The following ROBO2 variants were observed in gnomAD, a reference collection of about 807,000 sequenced individuals.
ROBO2 encodes roundabout guidance receptor 2, also known as roundabout homolog 2.
ROBO2 carries 53 observed loss-of-function variants against 160.8 expected under a neutral mutation model. The observed-to-expected ratio is 0.33, with a 90% CI of 0.26 to 0.41. The LOEUF is 0.41. Ranked by LOEUF, ROBO2 falls within the 10% of genes least tolerant of loss-of-function variation. The pLI is 1.00. For missense variants in ROBO2, 1,577 were observed against 1,722.4 expected (o/e 0.92, Z 1.49); for synonymous variants, 664 against 611.7 (o/e 1.09, Z -1.26).
intron 2 of ROBO2, among the ~76,000 whole-genome samples, chr3:76,286,967 C>A (rs994317731): frequency 6.6e-6 from 1 of 152,078 alleles, no homozygotes; most frequent in Non-Finnish European, 1.5e-5. Flanking sequence ...TTCTTTCTAC[C>A]GTAAGACCTT....
chr3:77,546,989 C>T lies in ROBO2; in HGVS notation c.1059+527C>T, dbSNP rs183147585. On this transcript the variant is annotated intron_variant, in intron 7 of 25. Transcript: ENST00000461745. ...ATAAATCTTTTCCTTCTCCATTCCT[C>T]CTGGATTCATCCATAGTGGGGTTAG... is the stretch of plus-strand genomic sequence containing the variant. Among the ~76,000 whole-genome samples, 38 of 152,142 alleles carry T rather than the reference C, an allele frequency of 2.5e-4. No homozygotes were observed. In the East Asian group the frequency reaches 7.2e-3, roughly 29 times the overall value.
At chr3:76,395,716 A>T (rs2077404862) in intron 2 of ROBO2, among the ~76,000 whole-genome samples, 3 of 152,212 alleles carry the variant, frequency 2.0e-5, no homozygotes, top group Non-Finnish European at 4.4e-5. Flanking sequence ...AAACTAGAAA[A>T]TCTAGAAGAA....
intron 2 of ROBO2, chr3:76,433,937 T>G (rs2109039496): frequency 1.5e-6 from 1 of 677,846 alleles, no homozygotes; most frequent in African/African-American, 1.8e-5. Context: ...TATTTATCCA[T>G]CTTGGGATTC....
chr3:77,602,899 A>G, intron 20 of ROBO2: 1 of 461,564 alleles, frequency 2.2e-6, no homozygotes, highest in Non-Finnish European at 4.3e-6. Flanking sequence ...AACTAATCAC[A>G]TGATGCCACT....
At chr3:76,777,846 T>G (rs561851905) in intron 2 of ROBO2, among the ~76,000 whole-genome samples, 1 of 151,256 alleles carries the variant, frequency 6.6e-6, no homozygotes, top group Non-Finnish European at 1.5e-5. Context: ...GCTTCTTGTG[T>G]ATTTTTTCTA....
chr3:76,413,039 C>T (rs1363747140), intron 2 of ROBO2, among the ~76,000 whole-genome samples: 1 of 152,224 alleles, frequency 6.6e-6, no homozygotes, highest in Non-Finnish European at 1.5e-5. Flanking sequence ...CATGCAGTCT[C>T]AACACCATGT....
chr3:76,878,728 A>G (rs181923346), intron 2 of ROBO2, among the ~76,000 whole-genome samples: 65 of 152,296 alleles, frequency 4.3e-4, no homozygotes, highest in Non-Finnish European at 8.8e-4. Context: ...TAGCACACCA[A>G]TGGTGTTTAT....
At chr3:76,016,691 C>T (rs1221260714) in intron 2 of ROBO2, among the ~76,000 whole-genome samples, 2 of 151,776 alleles carry the variant, frequency 1.3e-5, no homozygotes, top group African/African-American at 4.8e-5. Flanking sequence ...ATGCCGTGGG[C>T]CATATTGAAA....
chr3:76,736,014 T>G (rs1219837035), intron 2 of ROBO2, among the ~76,000 whole-genome samples: 1 of 151,822 alleles, frequency 6.6e-6, no homozygotes, highest in Admixed American at 6.6e-5. Flanking sequence ...CCGGGCGCGG[T>G]GGCTCACACC....
chr3:77,371,505 T>G (rs1477673314), intron 2 of ROBO2, among the ~76,000 whole-genome samples: 1 of 152,190 alleles, frequency 6.6e-6, no homozygotes, highest in Non-Finnish European at 1.5e-5. Context: ...GGGCCTTACT[T>G]ACATACAAGG....
Position 76,838,279 on chromosome 3 carries a change from G to A in ROBO2, c.110-259735G>A, listed in dbSNP as rs142660573. On this transcript the variant is annotated intron_variant, in intron 2 of 26. Coordinates refer to the ROBO2 transcript ENST00000487694. ...AAGGAGCAGAAAAGTTAACCATTGGGTATTGGCCTTAATTCCTGGGTGATG... is the reference window on the plus strand; with the variant it reads ...AAGGAGCAGAAAAGTTAACCATTGGATATTGGCCTTAATTCCTGGGTGATG... Among the ~76,000 whole-genome samples, 55 of 152,132 alleles carry A rather than the reference G, an allele frequency of 3.6e-4. No homozygotes were observed. The East Asian group carries it at 0.01, about 29-fold the overall frequency.
chr3:76,176,794 CATT>C (rs1241292243), intron 2 of ROBO2, among the ~76,000 whole-genome samples: 1 of 151,844 alleles, frequency 6.6e-6, no homozygotes, highest in African/African-American at 2.4e-5. Flanking sequence ...TAATAAAGGC[CATT>C]ATTAACAGTC....
intron 8 of ROBO2, among the ~76,000 whole-genome samples, chr3:77,555,505 T>C (rs1004710063): frequency 5.3e-5 from 8 of 152,030 alleles, no homozygotes; most frequent in Non-Finnish European, 8.8e-5. Context: ...TGTTTCAATA[T>C]ACTTGAGTTT....
chr3:76,761,506 C>A (rs2061308716), intron 2 of ROBO2, among the ~76,000 whole-genome samples: 1 of 151,730 alleles, frequency 6.6e-6, no homozygotes, highest in African/African-American at 2.4e-5. Flanking sequence ...GGCATATAAC[C>A]ATTCCACAAA....
intron 14 of ROBO2, among the ~76,000 whole-genome samples, chr3:77,576,739 A>T (rs1043268815): frequency 6.6e-6 from 1 of 152,126 alleles, no homozygotes; most frequent in African/African-American, 2.4e-5. Context: ...ACCCAACATG[A>T]ACTGTTTTCA....
chr3:76,663,238 G>A (rs2091898270), intron 2 of ROBO2, among the ~76,000 whole-genome samples: 1 of 152,150 alleles, frequency 6.6e-6, no homozygotes, highest in African/African-American at 2.4e-5. Context: ...ACCATCAACA[G>A]ACAAGAGAAA....
At position 77,098,002 on chromosome 3, in the gene ROBO2, C is replaced by T; in HGVS notation, c.62-12C>T. 2.6e-6 allele frequency: 4 copies of T among 1,532,344 alleles called. No homozygotes were observed. Among genetic ancestry groups the T allele is most frequent in the Non-Finnish European group, 3.5e-6 (4 of 1,138,234 alleles). 94.9% of individuals were successfully genotyped at this position (1,532,344 alleles called of 1,614,324 possible). A position where few individuals can be genotyped will look rare whatever the true frequency, so the allele number is the denominator to read the frequency against. On this transcript the variant is annotated splice_polypyrimidine_tract_variant and intron_variant, in intron 1 of 25. Coordinates refer to ENST00000461745, the Ensembl canonical transcript of ROBO2. ...ATGTTAAAGCTTGTCTTTATTCCGT[C>T]ATGTTTTGTAGGATCGCGTCTTCGC...
intron 1 of ROBO2, among the ~76,000 whole-genome samples, chr3:75,914,276 C>T (rs1283041853): frequency 6.6e-6 from 1 of 152,018 alleles, no homozygotes; most frequent in East Asian, 1.9e-4. Context: ...GACCTTAAAA[C>T]AATAAATTTT....
intron 2 of ROBO2, among the ~76,000 whole-genome samples, chr3:76,420,692 T>G (rs2075958914): frequency 6.6e-6 from 1 of 152,212 alleles, no homozygotes; most frequent in Non-Finnish European, 1.5e-5. Context: ...ATAAACACTG[T>G]ATAGTTCAAG....
Sources: allele counts gnomAD v4.1 joint callset (sites outside exome capture counted in the v4.1 genomes callset), GRCh38; gene constraint gnomAD v4.1.1; transcripts MANE v1.5; gene names NCBI Gene and HGNC (gene_info 2026-07-23, HGNC 2026-07-21).